ATP8A2: variants seen among roughly 807,000 people sequenced by gnomAD.
The protein encoded by ATP8A2 is ATPase phospholipid transporting 8A2, also known as phospholipid-transporting ATPase IB.
A neutral mutation model predicts 165.6 loss-of-function variants in ATP8A2; 100 were observed. The ratio of observed to expected loss-of-function variants is 0.60; its 90% confidence interval spans 0.51 to 0.71. The LOEUF (loss-of-function observed/expected upper bound fraction) is 0.71, where lower values mean the gene tolerates loss of function less well. Among genes scored for constraint, ATP8A2 ranks in the 30% least tolerant of loss-of-function variants. The pLI is 0.00. For missense variants in ATP8A2, 1,227 were observed against 1,479.5 expected (o/e 0.83, Z 2.80); for synonymous variants, 543 against 548.8 (o/e 0.99, Z 0.15).
chr13:25,510,554 A>G (rs1334659791), intron 2 of ATP8A2, among the ~76,000 whole-genome samples: 1 of 152,216 alleles, frequency 6.6e-6, no homozygotes. Context: ...GAATACATAC[A>G]AATGTTGCAC....
Position 25,554,457 on chromosome 13 carries a change from T to C in ATP8A2, c.1186-534T>C, listed in dbSNP as rs560536045. Among the ~76,000 whole-genome samples the C allele has an allele frequency of 2.6e-4, 39 of 152,232 alleles. No individual in the cohort carries two copies. The Middle Eastern group carries it at 0.01, about 40-fold the overall frequency. On this transcript the variant is annotated intron_variant, in intron 12 of 36. Transcript: ENST00000381655. Reference sequence around the variant, plus strand: ...GCAAGGTGAGAATCATGAGTTAGTCTAGGTTGTGAAATGATTATTTTGAAA... The same window carrying C: ...GCAAGGTGAGAATCATGAGTTAGTCCAGGTTGTGAAATGATTATTTTGAAA...
intron 2 of ATP8A2, among the ~76,000 whole-genome samples, chr13:25,477,654 C>T (rs144148373): frequency 2.8e-4 from 42 of 152,120 alleles, no homozygotes; most frequent in African/African-American, 8.4e-4. Context: ...ATACAGTTTT[C>T]GGCCAGGTGT....
At chr13:25,518,262 G>T (rs928529119) in intron 2 of ATP8A2, among the ~76,000 whole-genome samples, 2 of 152,200 alleles carry the variant, frequency 1.3e-5, no homozygotes, top group Admixed American at 6.5e-5. Flanking sequence ...GGAGGAGGAA[G>T]GTGAATGATA....
At chr13:25,740,655 C>T (rs1042890068) in intron 25 of ATP8A2, among the ~76,000 whole-genome samples, 1 of 152,054 alleles carries the variant, frequency 6.6e-6, no homozygotes, top group African/African-American at 2.4e-5. Flanking sequence ...TTGTCACTAC[C>T]CACGAGAGGC....
In ATP8A2 at chr13:25,577,112, C is replaced by T. The variant is rs755133567; in HGVS notation, c.1756C>T (p.Arg586Ter). The change falls in exon 20 of 37, where the codon CGA becomes TGA. Residue 586 changes from arginine to a stop codon, truncating the protein, a stop_gained. Coordinates refer to ENST00000381655, the MANE Select transcript of ATP8A2 (RefSeq NM_016529.6). LOFTEE classifies it high-confidence loss of function. ...MSVIVRTPSGRLRLYCKGADN... is the reference protein window; with the variant it reads ...MSVIVRTPSG ...TGTAATTGTTCGAACTCCTTCAGGA[C>T]GACTTCGGCTTTACTGTAAAGGGGC... 7.4e-6 allele frequency: 12 copies of T among 1,613,776 alleles called. No homozygotes were observed. Among genetic ancestry groups the T allele is most frequent in the East Asian group, 2.2e-5 (1 of 44,884 alleles).
chr13:25,678,633 C>A (rs1468569724), intron 24 of ATP8A2, among the ~76,000 whole-genome samples: 2 of 152,076 alleles, frequency 1.3e-5, no homozygotes, highest in South Asian at 2.1e-4. Context: ...TTCCAGCACA[C>A]GTGTTATGCA....
At chr13:25,757,974 G>C (rs1593301466) in intron 25 of ATP8A2, among the ~76,000 whole-genome samples, 2 of 152,240 alleles carry the variant, frequency 1.3e-5, no homozygotes, top group Admixed American at 1.3e-4. Context: ...TGGAGGTATT[G>C]ACCCCACCCA....
intron 35 of ATP8A2, among the ~76,000 whole-genome samples, chr13:25,997,962 C>T (rs1956548370): frequency 6.6e-6 from 1 of 152,150 alleles, no homozygotes; most frequent in Non-Finnish European, 1.5e-5. Context: ...TGTTTGAGAT[C>T]TTCCTGGTTT....
chr13:25,962,297 A>G lies in ATP8A2; in HGVS notation c.3272+634A>G, dbSNP rs1262545849. Among the ~76,000 whole-genome samples the G allele has an allele frequency of 1.3e-5, 2 of 151,932 alleles. 1 individual carries two copies. ...TCATTTAAAATTACAAGAATGAAGT[A>G]CTCTTCATTTTTCCAAACAACTCAT... On this transcript the variant is annotated intron_variant, in intron 34 of 36. Coordinates refer to ENST00000381655, the MANE Select transcript of ATP8A2 (RefSeq NM_016529.6).
At chr13:25,538,926 C>G (rs553372086) in intron 7 of ATP8A2, among the ~76,000 whole-genome samples, 36 of 152,128 alleles carry the variant, frequency 2.4e-4, no homozygotes, top group African/African-American at 8.4e-4. Flanking sequence ...GAAAAAGAAC[C>G]AATAACACAG....
intron 35 of ATP8A2, among the ~76,000 whole-genome samples, chr13:25,973,113 C>G (rs1955950938): frequency 1.3e-5 from 2 of 152,098 alleles, no homozygotes; most frequent in Non-Finnish European, 2.9e-5. Context: ...GGTAAACAGA[C>G]CCGGTTGCTG....
At chr13:25,532,371 T>C (rs1479465280) in intron 5 of ATP8A2, 54 bp downstream of exon 5, 1 of 1,292,924 alleles carries the variant, frequency 7.7e-7, no homozygotes, top group African/African-American at 1.5e-5. Flanking sequence ...GAATAAGGCC[T>C]GCATTTAAGG....
At position 25,912,606 on chromosome 13, in the gene ATP8A2, A is replaced by T. The variant is rs550238433; in HGVS notation, c.3184-48969A>T. 5.3e-5 allele frequency among the ~76,000 whole-genome samples: 8 copies of T among 152,342 alleles called. No individual in the cohort carries two copies. The South Asian group carries it at 1.7e-3, about 32-fold the overall frequency. On this transcript the variant is annotated intron_variant, in intron 33 of 36. Coordinates refer to ENST00000381655, the MANE Select transcript of ATP8A2 (RefSeq NM_016529.6). Reference sequence around the variant, plus strand: ...ATATATTAATTTGCTTGATTTAATTATTCCACATTGTATTCGTGAATCATG... The same window carrying T: ...ATATATTAATTTGCTTGATTTAATTTTTCCACATTGTATTCGTGAATCATG...
intron 1 of ATP8A2, among the ~76,000 whole-genome samples, chr13:25,382,483 A>G (rs1312537482): frequency 6.6e-6 from 1 of 152,140 alleles, no homozygotes; most frequent in African/African-American, 2.4e-5. Context: ...TGCTAAGAGT[A>G]TGTTTAGTTT....
intron 2 of ATP8A2, among the ~76,000 whole-genome samples, chr13:25,505,748 C>T (rs780377695): frequency 6.6e-6 from 1 of 152,104 alleles, no homozygotes. Flanking sequence ...CTCTACATAA[C>T]TTATTATTAT....
chr13:25,619,491 G>A (rs1016764031), intron 24 of ATP8A2, among the ~76,000 whole-genome samples: 6 of 152,114 alleles, frequency 3.9e-5, no homozygotes, highest in African/African-American at 7.2e-5. Context: ...GAAGATACTC[G>A]AATAACCAGA....
chr13:25,869,155 G>A (rs1221815622), intron 33 of ATP8A2, among the ~76,000 whole-genome samples: 1 of 151,262 alleles, frequency 6.6e-6, no homozygotes, highest in Non-Finnish European at 1.5e-5. Context: ...AGCTAAGTGA[G>A]TTCTCACAGC....
chr13:25,652,887 C>A (rs768673360), intron 24 of ATP8A2, among the ~76,000 whole-genome samples: 1 of 152,212 alleles, frequency 6.6e-6, no homozygotes, highest in Admixed American at 6.5e-5. Flanking sequence ...ACTGCCCACA[C>A]TCCCACCTGT....
intron 35 of ATP8A2, among the ~76,000 whole-genome samples, chr13:26,005,903 A>G (rs1282469255): frequency 6.6e-6 from 1 of 151,904 alleles, no homozygotes; most frequent in Non-Finnish European, 1.5e-5. Flanking sequence ...TATTTTTATT[A>G]CTGTAGTTTA....
Sources: allele counts gnomAD v4.1 joint callset (sites outside exome capture counted in the v4.1 genomes callset), GRCh38; gene constraint gnomAD v4.1.1; transcripts MANE v1.5; gene names NCBI Gene and HGNC (gene_info 2026-07-23, HGNC 2026-07-21).